The following SMURF2 variants were observed in gnomAD, a reference collection of about 807,000 sequenced individuals.
SMURF2 encodes SMAD specific E3 ubiquitin protein ligase 2.
SMURF2 carries 48 observed loss-of-function variants against 109.6 expected under a neutral mutation model. The ratio of observed to expected loss-of-function variants is 0.44; its 90% CI spans 0.35 to 0.56. The LOEUF (loss-of-function observed/expected upper bound fraction) is 0.56, where lower values mean the gene tolerates loss of function less well. SMURF2 is among the 20% of genes least tolerant of loss of function. SMURF2 has a pLI of 0.01. For missense variants in SMURF2, 575 were observed against 909.0 expected, an observed-to-expected ratio of 0.63 and a Z score of 4.72; for synonymous variants, 288 against 317.1, an observed-to-expected ratio of 0.91 and a Z score of 0.97.
At chr17:64,559,326 T>G (rs1969174621) in intron 12 of SMURF2, among the ~76,000 whole-genome samples, 2 of 152,116 alleles carry the variant, frequency 1.3e-5, no homozygotes, top group South Asian at 2.1e-4. Flanking sequence ...CTGGGTTCGG[T>G]GGCTCATGAC....
intron 5 of SMURF2, among the ~76,000 whole-genome samples, chr17:64,587,127 G>A (rs1555687181): frequency 6.6e-6 from 1 of 152,084 alleles, no homozygotes; most frequent in African/African-American, 2.4e-5. Context: ...AGTGAGCCGT[G>A]ATTGCACCAC....
chr17:64,586,835 T>C (rs1489028205), intron 5 of SMURF2, among the ~76,000 whole-genome samples: 3 of 150,260 alleles, frequency 2.0e-5, no homozygotes, highest in East Asian at 2.0e-4. Flanking sequence ...AAAGTCCATA[T>C]TAATTTGACT....
In SMURF2 at chr17:64,581,012, A is replaced by G; in HGVS notation, c.570-21T>C. ...CCGGTCTATTGAAAATTAACAAGGAAAAGATGTTATCAATTTAGATATCAA... is the reference window on the plus strand; with the variant it reads ...CCGGTCTATTGAAAATTAACAAGGAGAAGATGTTATCAATTTAGATATCAA... On this transcript the variant is annotated intron_variant, in intron 7 of 18. Transcript: ENST00000262435. This position sits in a 1 kb window ranked among gnomAD's most constrained non-coding sequence, Gnocchi z 4.3. 1 of 1,609,820 alleles carries G rather than the reference A, an allele frequency of 6.2e-7. No individual in the cohort carries two copies. The highest frequency in any genetic ancestry group is 1.1e-5 in the South Asian group (1 of 90,992).
At chr17:64,580,389 A>G (rs1045139571) in intron 8 of SMURF2, among the ~76,000 whole-genome samples, 2 of 152,200 alleles carry the variant, frequency 1.3e-5, no homozygotes, top group African/African-American at 4.8e-5. Flanking sequence ...CTTTAAAATT[A>G]TTTCTAAATA....
chr17:64,608,717 T>A (rs1214504835), intron 1 of SMURF2, among the ~76,000 whole-genome samples: 4 of 152,114 alleles, frequency 2.6e-5, no homozygotes, highest in African/African-American at 7.2e-5. Flanking sequence ...CCACCAAACC[T>A]ACATATTCAT....
At chr17:64,584,368 T>C (rs1349842658) in intron 6 of SMURF2, among the ~76,000 whole-genome samples, 6 of 145,902 alleles carry the variant, frequency 4.1e-5, no homozygotes, top group African/African-American at 1.3e-4. Flanking sequence ...TTTCTTTTTT[T>C]TTTTTTTTTG....
At chr17:64,548,407 A>C (rs973185010) in intron 16 of SMURF2, among the ~76,000 whole-genome samples, 1 of 151,970 alleles carries the variant, frequency 6.6e-6, no homozygotes, top group Non-Finnish European at 1.5e-5. Context: ...TTTTTTTTTA[A>C]GACAGAATTT....
intron 1 of SMURF2, among the ~76,000 whole-genome samples, chr17:64,620,699 G>A (rs1555690545): frequency 6.6e-6 from 1 of 152,016 alleles, no homozygotes; most frequent in Non-Finnish European, 1.5e-5. Context: ...TTTTATTATA[G>A]TGCTTTCTCA....
chr17:64,564,867 T>C (rs1308516136), intron 10 of SMURF2, among the ~76,000 whole-genome samples: 2 of 152,172 alleles, frequency 1.3e-5, no homozygotes, highest in Non-Finnish European at 2.9e-5. Flanking sequence ...GTTCGTGGTA[T>C]TTTGTTACAG....
At chr17:64,617,197 C>T (rs1455075526) in intron 1 of SMURF2, among the ~76,000 whole-genome samples, 1 of 151,654 alleles carries the variant, frequency 6.6e-6, no homozygotes, top group Non-Finnish European at 1.5e-5. Context: ...CAGAATTCTC[C>T]TCTTTCAACA....
At position 64,654,398 on chromosome 17, in the gene SMURF2, C is replaced by T. The variant is rs573207026; in HGVS notation, c.52+7431G>A. 5.9e-5 allele frequency among the ~76,000 whole-genome samples: 9 copies of T among 152,164 alleles called. No homozygotes were observed. In the East Asian group the frequency reaches 7.7e-4, roughly 13 times the overall value. On this transcript the variant is annotated intron_variant, in intron 1 of 18. Coordinates refer to ENST00000262435, the MANE Select transcript of SMURF2 (RefSeq NM_022739.4). ...AACTATTCTTGTTCAGAAGACTGCT[C>T]GTATTTAAAAAATTTTTAATGAAAT...
chr17:64,561,447 A>C, intron 12 of SMURF2, 53 bp downstream of exon 12: 2 of 1,244,336 alleles, frequency 1.6e-6, no homozygotes, highest in Non-Finnish European at 2.3e-6. Flanking sequence ...GAAGTAGCTT[A>C]AATTTGTAAG....
At chr17:64,643,989 C>T (rs138166269) in intron 1 of SMURF2, among the ~76,000 whole-genome samples, 167 of 152,038 alleles carry the variant, frequency 1.1e-3, no homozygotes, top group African/African-American at 3.8e-3. Flanking sequence ...CCAAGCCTGG[C>T]TAATTTTTAT....
chr17:64,546,075 G>C (rs1229499454), intron 18 of SMURF2, 128 bp from the exon 19 acceptor site: 3 of 852,792 alleles, frequency 3.5e-6, no homozygotes, highest in Non-Finnish European at 5.5e-6. Context: ...CTCTAAAACA[G>C]AGATGACCAC....
intron 1 of SMURF2, among the ~76,000 whole-genome samples, chr17:64,655,034 C>T (rs1421388558): frequency 6.6e-6 from 1 of 151,798 alleles, no homozygotes; most frequent in Non-Finnish European, 1.5e-5. Flanking sequence ...CAAGCAATAA[C>T]TAGGATTAGA....
At chr17:64,566,668 G>A (rs1219054555) in intron 10 of SMURF2, among the ~76,000 whole-genome samples, 5 of 136,396 alleles carry the variant, frequency 3.7e-5, no homozygotes, top group African/African-American at 1.4e-4. Context: ...GCCTCCCAGG[G>A]TCAAGCTATT....
intron 5 of SMURF2, among the ~76,000 whole-genome samples, chr17:64,588,025 C>A (rs1168054666): frequency 3.2e-5 from 4 of 125,788 alleles, no homozygotes; most frequent in Admixed American, 9.2e-5. Flanking sequence ...ACAGATTTTG[C>A]AAGCCTTAAT....
intron 8 of SMURF2, among the ~76,000 whole-genome samples, chr17:64,580,066 C>T (rs2144636027): frequency 6.6e-6 from 1 of 152,266 alleles, no homozygotes; most frequent in South Asian, 2.1e-4. Flanking sequence ...TAGATGTCAA[C>T]ATCAATCCAA....
rs562476334 is a variant in SMURF2 at position 64,601,496 on chromosome 17, C to T, written c.92-3006G>A. 7.2e-5 allele frequency among the ~76,000 whole-genome samples: 11 copies of T among 152,036 alleles called. No homozygotes were observed. In the South Asian group the frequency reaches 1.0e-3, roughly 14 times the overall value. ...GGAAATGCAAATCAGAACTATAATG[C>T]GATGCCACCTCACTCCTGCAAGAAT... On this transcript the variant is annotated intron_variant, in intron 2 of 18. Coordinates refer to ENST00000262435, the MANE Select transcript of SMURF2 (RefSeq NM_022739.4).
Sources: allele counts gnomAD v4.1 joint callset (sites outside exome capture counted in the v4.1 genomes callset), GRCh38; gene constraint gnomAD v4.1.1; non-coding constraint Gnocchi (gnomAD v3.1); transcripts MANE v1.5; gene names NCBI Gene and HGNC (gene_info 2026-07-23, HGNC 2026-07-21).